TSPAN14: variants seen among roughly 807,000 people sequenced by gnomAD.
TSPAN14 encodes the protein tetraspanin 14.
Under a neutral mutation model 36.6 loss-of-function variants are expected in TSPAN14, and 16 were observed. The ratio of observed to expected loss-of-function variants is 0.44; its 90% CI spans 0.30 to 0.66. TSPAN14 has a LOEUF of 0.66. Among genes scored for constraint, TSPAN14 ranks in the 30% least tolerant of loss-of-function variants. TSPAN14 has a pLI of 0.12. For missense variants in TSPAN14, 231 were observed against 355.1 expected (o/e 0.65, Z 2.81); for synonymous variants, 139 against 143.8 (o/e 0.97, Z 0.24).
At chr10:80,517,798 G>A in intron 8 of TSPAN14, 107 bp from the exon 9 acceptor site, 3 of 1,060,640 alleles carry the variant, frequency 2.8e-6, no homozygotes, top group Non-Finnish European at 4.3e-6. Flanking sequence ...CGCAGCTGGG[G>A]GGTGAGGAGA....
chr10:80,481,191 G>T (rs1847253285), intron 1 of TSPAN14, among the ~76,000 whole-genome samples: 1 of 152,152 alleles, frequency 6.6e-6, no homozygotes. Flanking sequence ...AACTCGTGAA[G>T]GTGAACAAAG....
rs777688011 is a variant in TSPAN14, at chr10:80,512,125, C to T, written c.451-19C>T. On this transcript the variant is annotated intron_variant, in intron 5 of 8. Coordinates refer to ENST00000429989, the Ensembl canonical transcript of TSPAN14. ...CCCTGTCTTGGAGCCCCTAACAGTT[C>T]TGGCTTTTGTGGTTGCAGAACCAGT... The T allele has an allele frequency of 1.2e-6, 2 of 1,613,930 alleles. No individual in the cohort carries two copies. Among genetic ancestry groups the T allele is most frequent in the African/African-American group, 1.3e-5 (1 of 74,926 alleles).
At chr10:80,475,679 C>T (rs998558885) in intron 1 of TSPAN14, among the ~76,000 whole-genome samples, 7 of 152,146 alleles carry the variant, frequency 4.6e-5, no homozygotes, top group African/African-American at 1.7e-4. Flanking sequence ...CTTCCGCCTC[C>T]TGGGTTCAAG....
exon 9 of TSPAN14, chr10:80,519,269 G>A (rs1445569236): frequency 1.3e-5 from 2 of 152,724 alleles, no homozygotes; most frequent in Non-Finnish European, 2.9e-5. Flanking sequence ...CGCCCCTAAT[G>A]GGATATCGGT....
chr10:80,474,708 C>G (rs1180620857), intron 1 of TSPAN14, among the ~76,000 whole-genome samples: 1 of 152,100 alleles, frequency 6.6e-6, no homozygotes, highest in Non-Finnish European at 1.5e-5. Flanking sequence ...ACATCACTCT[C>G]AGGAAGCCTG....
intron 2 of TSPAN14, among the ~76,000 whole-genome samples, 191 bp downstream of exon 2, chr10:80,489,505 A>G (rs1847808502): frequency 6.6e-6 from 1 of 152,224 alleles, no homozygotes; most frequent in Admixed American, 6.5e-5. Context: ...GGCCGAGGTG[A>G]TTGAAAGCCA....
In TSPAN14 at chr10:80,472,262, A is replaced by G. The variant is rs546292450; in HGVS notation, c.-17-16955A>G. Among the ~76,000 whole-genome samples the G allele has an allele frequency of 1.4e-4, 21 of 152,240 alleles. 1 individual carries two copies. Among genetic ancestry groups the G allele is most frequent in the Admixed American group, 1.3e-3 (20 of 15,298 alleles). ...AGTTACTTGAAGCCAGTTATTTTGTAGTATCTCCCTTAATTTAAGTTTGTT... is the reference window on the plus strand; with the variant it reads ...AGTTACTTGAAGCCAGTTATTTTGTGGTATCTCCCTTAATTTAAGTTTGTT... On this transcript the variant is annotated intron_variant, in intron 1 of 8. Coordinates refer to ENST00000429989, the Ensembl canonical transcript of TSPAN14.
intron 1 of TSPAN14, among the ~76,000 whole-genome samples, chr10:80,484,796 T>C (rs181708344): frequency 1.3e-5 from 2 of 152,332 alleles, no homozygotes; most frequent in East Asian, 3.9e-4. Context: ...GAATTGTTTT[T>C]TCCTGTTGCC....
rs1187433688 is a variant in TSPAN14, at chr10:80,473,703, A to ATTT, written c.-17-15514_-17-15513insTTT. Among the ~76,000 whole-genome samples the ATTT allele has an allele frequency of 6.1e-3, 465 of 75,964 alleles. 6 individuals are homozygous for ATTT. The highest frequency in any genetic ancestry group is 0.053 in the East Asian group (214 of 4,050). The allele number at this position is 75,964 out of a possible 152,430, so 49.8% of individuals were successfully genotyped here. On this transcript the variant is annotated intron_variant, in intron 1 of 8. Coordinates refer to ENST00000429989, the Ensembl canonical transcript of TSPAN14. ...ATGATGGGTTTTTTTTTTTTTTTTA[A>ATTT]ATTAAAGTTTTTTTTTTTCTTTTTT... is the stretch of plus-strand genomic sequence containing the variant.
At chr10:80,499,908 A>T (rs1848398983) in intron 2 of TSPAN14, among the ~76,000 whole-genome samples, 1 of 118,878 alleles carries the variant, frequency 8.4e-6, no homozygotes, top group South Asian at 2.9e-4. Context: ...AGGTCATGGG[A>T]GGGAGACAAA....
chr10:80,478,844 A>G (rs1243185474), intron 1 of TSPAN14, among the ~76,000 whole-genome samples: 1 of 152,236 alleles, frequency 6.6e-6, no homozygotes, highest in African/African-American at 2.4e-5. Context: ...CAACATGGCA[A>G]AACCCTGTCT....
intron 1 of TSPAN14, among the ~76,000 whole-genome samples, chr10:80,487,737 G>C (rs771194950): frequency 6.6e-6 from 1 of 151,942 alleles, no homozygotes; most frequent in African/African-American, 2.4e-5. Flanking sequence ...ATGGTGGGGC[G>C]GTGGTAGGGG....
intron 5 of TSPAN14, among the ~76,000 whole-genome samples, chr10:80,510,767 G>A (rs1413018542): frequency 1.3e-5 from 2 of 152,076 alleles, no homozygotes; most frequent in Admixed American, 6.6e-5. Flanking sequence ...CCAGCTACTC[G>A]GGAGGCTGAG....
intron 1 of TSPAN14, among the ~76,000 whole-genome samples, chr10:80,458,434 G>T (rs554979311): frequency 8.9e-4 from 135 of 152,220 alleles, no homozygotes; most frequent in African/African-American, 3.0e-3. Context: ...GATTTCCCTC[G>T]GGGCCAGCAG....
chr10:80,459,061 G>C (rs1845857653), intron 1 of TSPAN14, among the ~76,000 whole-genome samples: 1 of 152,044 alleles, frequency 6.6e-6, no homozygotes, highest in African/African-American at 2.4e-5. Context: ...GTCTCACGGG[G>C]TTGCAGTGAA....
intron 1 of TSPAN14, among the ~76,000 whole-genome samples, chr10:80,481,061 C>T (rs1281592144): frequency 1.3e-5 from 2 of 151,944 alleles, no homozygotes; most frequent in East Asian, 1.9e-4. Context: ...GCTGAGGTTG[C>T]GCCAGGGCTC....
intron 1 of TSPAN14, among the ~76,000 whole-genome samples, chr10:80,458,399 C>T (rs538368610): frequency 6.6e-6 from 1 of 152,280 alleles, no homozygotes; most frequent in African/African-American, 2.4e-5. Flanking sequence ...TGATTTTGTG[C>T]CTGGTCACCT....
At chr10:80,504,840 C>T (rs1840199160) in intron 3 of TSPAN14, 62 bp downstream of exon 3, 5 of 1,552,968 alleles carry the variant, frequency 3.2e-6, no homozygotes, top group Non-Finnish European at 4.4e-6. Flanking sequence ...CGTTGGACTT[C>T]ATTTTCCCTC....
At chr10:80,507,650 T>G (rs1840369751) in intron 4 of TSPAN14, among the ~76,000 whole-genome samples, 1 of 152,246 alleles carries the variant, frequency 6.6e-6, no homozygotes, top group Non-Finnish European at 1.5e-5. Flanking sequence ...GCCTTTTATC[T>G]TCCTTCAGAA....
Sources: gnomAD v4.1 joint callset for allele counts (sites outside exome capture counted in the v4.1 genomes callset) on GRCh38, gnomAD v4.1.1 for gene constraint, MANE v1.5 for transcripts, NCBI Gene and HGNC (gene_info 2026-07-23, HGNC 2026-07-21) for gene names.